ARHGAP6: variants seen among roughly 807,000 people sequenced by gnomAD.
ARHGAP6 encodes the protein Rho GTPase activating protein 6.
In ARHGAP6, 16 loss-of-function variants were observed where a neutral mutation model predicts 55.7. The ratio of observed to expected loss-of-function variants is 0.29; its 90% CI spans 0.19 to 0.44. The LOEUF (loss-of-function observed/expected upper bound fraction) is 0.44. Ranked by LOEUF, ARHGAP6 falls within the 20% of genes least tolerant of loss-of-function variation. The pLI, the probability that ARHGAP6 is intolerant of heterozygous loss-of-function variation, is 1.00. For synonymous variants in ARHGAP6, 382 were observed against 360.9 expected (o/e 1.06, Z -0.66); for missense variants, 698 against 808.9 (o/e 0.86, Z 1.66).
intron 1 of ARHGAP6, among the ~76,000 whole-genome samples, chrX:11,395,904 G>A (rs890056874): frequency 4.5e-5 from 5 of 111,801 alleles, no homozygotes; most frequent in African/African-American, 1.6e-4. Context: ...GCAACCGACT[G>A]TAAAAACAAC....
At chrX:11,385,785 A>G (rs1453787509) in intron 1 of ARHGAP6, among the ~76,000 whole-genome samples, 1 of 112,224 alleles carries the variant, frequency 8.9e-6, no homozygotes, top group Non-Finnish European at 1.9e-5. Context: ...AGGGATCAAA[A>G]GAAAGGTGTT....
intron 2 of ARHGAP6, among the ~76,000 whole-genome samples, chrX:11,217,738 T>C (rs1327219441): frequency 8.9e-6 from 1 of 112,427 alleles, no homozygotes; most frequent in African/African-American, 3.2e-5. Context: ...TGGTCAATTA[T>C]GGCTTTTGTT....
chrX:11,323,071 T>C (rs1412827038), intron 1 of ARHGAP6, among the ~76,000 whole-genome samples: 2 of 112,411 alleles, frequency 1.8e-5, no homozygotes, highest in African/African-American at 6.5e-5. Flanking sequence ...GTGAATGGTT[T>C]GTAACAATTA....
chrX:11,463,326 T>C (rs1046112316), intron 1 of ARHGAP6, among the ~76,000 whole-genome samples: 7 of 111,927 alleles, frequency 6.3e-5, no homozygotes. Context: ...TTTTCTGTTG[T>C]TGTTGTTGTT....
chrX:11,442,250 T>A (rs2050046769), intron 1 of ARHGAP6, among the ~76,000 whole-genome samples: 1 of 110,322 alleles, frequency 9.1e-6, no homozygotes, highest in African/African-American at 3.3e-5. Context: ...TAACTGAATA[T>A]GTCAGCCAAA....
At chrX:11,574,334 C>T (rs1413116403) in intron 1 of ARHGAP6, among the ~76,000 whole-genome samples, 1 of 110,572 alleles carries the variant, frequency 9.0e-6, no homozygotes, top group Non-Finnish European at 1.9e-5. Context: ...CAATAAAATA[C>T]TGGCAAACCA....
Position 11,371,501 on chromosome X carries a change from A to G in ARHGAP6, c.589-116794T>C, listed in dbSNP as rs893261761. On this transcript the variant is annotated intron_variant, in intron 1 of 12. Coordinates refer to ENST00000337414, the MANE Select transcript of ARHGAP6 (RefSeq NM_013427.3). ...CAACAAAACCATTAAGCTTGCATTG[A>G]CATTTCAGTGATTTAGTTTGAAGAA... Among the ~76,000 whole-genome samples the G allele has an allele frequency of 3.6e-5, 4 of 112,463 alleles. No individual in the cohort carries two copies. In the Admixed American group the frequency reaches 3.8e-4, roughly 11 times the overall value.
chrX:11,542,533 G>A (rs1357568555), intron 1 of ARHGAP6, among the ~76,000 whole-genome samples: 1 of 110,801 alleles, frequency 9.0e-6, no homozygotes, highest in Admixed American at 9.6e-5. Context: ...GAGAATTGGT[G>A]GGGAGAGGGA....
At chrX:11,646,663 CAG>C (rs1376347217) in intron 1 of ARHGAP6, among the ~76,000 whole-genome samples, 1 of 111,399 alleles carries the variant, frequency 9.0e-6, no homozygotes, top group Non-Finnish European at 1.9e-5. Flanking sequence ...TGTTTGCAAA[CAG>C]AAATATGGAA....
intron 1 of ARHGAP6, among the ~76,000 whole-genome samples, chrX:11,587,306 T>A (rs2051746227): frequency 8.9e-6 from 1 of 111,945 alleles, no homozygotes; most frequent in South Asian, 3.7e-4. Flanking sequence ...GTTGGCTGTG[T>A]GTTTGTCATA....
intron 1 of ARHGAP6, among the ~76,000 whole-genome samples, chrX:11,569,338 T>C (rs753453527): frequency 9.0e-6 from 1 of 111,091 alleles, no homozygotes; most frequent in Non-Finnish European, 1.9e-5. Flanking sequence ...CTATTTTAAA[T>C]AAGGGGAATG....
chrX:11,305,037 C>T (rs1394669993), intron 1 of ARHGAP6, among the ~76,000 whole-genome samples: 6 of 110,051 alleles, frequency 5.5e-5, no homozygotes, highest in African/African-American at 2.0e-4. Flanking sequence ...CTGCCTGCCT[C>T]AGCCACCCAA....
intron 1 of ARHGAP6, among the ~76,000 whole-genome samples, chrX:11,590,658 G>A (rs2051795317): frequency 9.5e-6 from 1 of 104,906 alleles, no homozygotes; most frequent in Admixed American, 1.1e-4. Context: ...GGTGGTGCAC[G>A]CCTGTAGTCC....
chrX:11,623,385 G>A (rs2052252887), intron 1 of ARHGAP6, among the ~76,000 whole-genome samples: 1 of 111,152 alleles, frequency 9.0e-6, no homozygotes, highest in African/African-American at 3.3e-5. Flanking sequence ...AAAGATCTGT[G>A]CAATAAAAAC....
At chrX:11,351,590 C>T (rs779302853) in intron 1 of ARHGAP6, 20 of 751,647 alleles carry the variant, frequency 2.7e-5, no homozygotes, top group Non-Finnish European at 3.0e-5. Context: ...TGTCTTCCCA[C>T]CATTCTCAAC....
At chrX:11,392,552 A>G (rs896739045) in intron 1 of ARHGAP6, among the ~76,000 whole-genome samples, 6 of 111,950 alleles carry the variant, frequency 5.4e-5, no homozygotes, top group Non-Finnish European at 1.1e-4. Flanking sequence ...TGACCTTATT[A>G]AAAAATCACA....
chrX:11,446,824 TCTCA>T (rs759634319), intron 1 of ARHGAP6, among the ~76,000 whole-genome samples: 327 of 111,946 alleles, frequency 2.9e-3, no homozygotes, highest in Non-Finnish European at 5.0e-3. Context: ...GGGAAGTATA[TCTCA>T]CTTCAGCCTA....
chrX:11,373,305 G>A (rs1174608376), intron 1 of ARHGAP6, among the ~76,000 whole-genome samples: 1 of 108,723 alleles, frequency 9.2e-6, no homozygotes, highest in Non-Finnish European at 1.9e-5. Flanking sequence ...AGGAGATCTT[G>A]TTTTCTCTAC....
intron 1 of ARHGAP6, among the ~76,000 whole-genome samples, chrX:11,483,886 T>C (rs1241983724): frequency 9.0e-6 from 1 of 111,487 alleles, no homozygotes; most frequent in East Asian, 2.8e-4. Context: ...TGGAAGAAGT[T>C]AAAGCCAGCA....
Sources: gnomAD v4.1 joint callset for allele counts (sites outside exome capture counted in the v4.1 genomes callset) on GRCh38, gnomAD v4.1.1 for gene constraint, MANE v1.5 for transcripts, NCBI Gene and HGNC (gene_info 2026-07-23, HGNC 2026-07-21) for gene names.